Variants in TRMT2B observed in about 807,000 individuals in gnomAD.
The protein encoded by TRMT2B is tRNA (uracil-5-)-methyltransferase homolog B.
In TRMT2B, 34 loss-of-function variants were observed where a neutral mutation model predicts 39.7. That is an observed-to-expected ratio of 0.86 (90% CI 0.65 to 1.14). The LOEUF is 1.14. Ranked by LOEUF, TRMT2B falls within the 50% of genes most tolerant of loss-of-function variation. The probability of loss-of-function intolerance (pLI) is 0.00; values close to 1 mark genes in which losing one functional copy is unlikely to be tolerated. For synonymous variants in TRMT2B, 132 were observed against 137.3 expected, an observed-to-expected ratio of 0.96 and a Z score of 0.27; for missense variants, 318 against 377.2, an observed-to-expected ratio of 0.84 and a Z score of 1.30.
intron 7 of TRMT2B, among the ~76,000 whole-genome samples, chrX:101,035,150 C>G (rs1006356506): frequency 7.2e-5 from 8 of 111,571 alleles, no homozygotes; most frequent in Non-Finnish European, 1.5e-4. Context: ...GAATTCGAGA[C>G]CAGCCTGCAC....
At chrX:101,011,148 T>C (rs1299519605) in intron 13 of TRMT2B, among the ~76,000 whole-genome samples, 2 of 111,830 alleles carry the variant, frequency 1.8e-5, no homozygotes, top group Non-Finnish European at 3.8e-5. Flanking sequence ...ACGATGGGGG[T>C]ACATTCTGAA....
chrX:101,051,448 A>G lies in TRMT2B; in HGVS notation c.-221T>C. 1 of 754,382 alleles carries G rather than the reference A, an allele frequency of 1.3e-6. No individual in the cohort carries two copies. The highest frequency in any genetic ancestry group is 1.6e-6 in the Non-Finnish European group (1 of 639,420). The allele number at this position is 754,382 out of a possible 1,213,427, so 62.2% of individuals were successfully genotyped here. ...AGGCAGTCAGGTCCTTGTCTCCCCA[A>G]CAAGACTCCACTAGCCCTTCCATTC... On this transcript the variant is annotated 5_prime_UTR_variant, in exon 2 of 14. Transcript: ENST00000372936.
chrX:101,014,338 CT>C (rs942623158), intron 13 of TRMT2B, among the ~76,000 whole-genome samples: 2 of 109,748 alleles, frequency 1.8e-5, no homozygotes, highest in African/African-American at 3.3e-5. Flanking sequence ...CTTTCTCTCT[CT>C]TTTTTTTACT....
chrX:100,983,690 T>C, the TRMT2B span, among the ~76,000 whole-genome samples: 7 of 111,666 alleles, frequency 6.3e-5, no homozygotes, highest in Non-Finnish European at 1.3e-4. Flanking sequence ...AATACAGATA[T>C]AGCAAATATC....
intron 7 of TRMT2B, among the ~76,000 whole-genome samples, chrX:101,025,182 A>G (rs913389100): frequency 8.0e-5 from 9 of 111,804 alleles, no homozygotes; most frequent in Non-Finnish European, 1.3e-4. Context: ...CAGTTTATTT[A>G]TGGAAAATAA....
At chrX:101,049,808 C>G (rs2088947869) in intron 2 of TRMT2B, among the ~76,000 whole-genome samples, 1 of 109,293 alleles carries the variant, frequency 9.1e-6, no homozygotes, top group South Asian at 3.9e-4. Context: ...AAGTGTGTGG[C>G]CTGTGAGAAT....
At chrX:101,001,845 G>T in the TRMT2B span, among the ~76,000 whole-genome samples, 4 of 87,744 alleles carry the variant, frequency 4.6e-5, no homozygotes, top group African/African-American at 1.9e-4. Flanking sequence ...AAAAAAAAAA[G>T]CAGGGGGAAA....
intron 13 of TRMT2B, chrX:101,013,742 CAAA>C (rs149508279): frequency 1.0e-4 from 4 of 38,898 alleles, no homozygotes; most frequent in South Asian, 1.5e-3. Context: ...GACTCCGTCT[CAAA>C]AAAAAAAAAA....
chrX:100,989,387 G>A, the TRMT2B span, among the ~76,000 whole-genome samples: 7 of 110,114 alleles, frequency 6.4e-5, no homozygotes, highest in East Asian at 2.9e-4. Context: ...TGAGGCGGGC[G>A]GATCATGAGG....
intron 7 of TRMT2B, among the ~76,000 whole-genome samples, chrX:101,026,225 T>G (rs375118893): frequency 1.8e-5 from 2 of 110,806 alleles, no homozygotes; most frequent in African/African-American, 6.6e-5. Flanking sequence ...ATAATCCCAG[T>G]ATTCTGGGAG....
the TRMT2B span, among the ~76,000 whole-genome samples, chrX:100,997,012 T>G: frequency 8.9e-6 from 1 of 112,141 alleles, no homozygotes; most frequent in African/African-American, 3.2e-5. Flanking sequence ...AACTAGATTT[T>G]TTTTTTGATA....
At chrX:101,044,720 G>A (rs765294669) in intron 2 of TRMT2B, among the ~76,000 whole-genome samples, 1 of 109,254 alleles carries the variant, frequency 9.2e-6, no homozygotes, top group East Asian at 2.9e-4. Flanking sequence ...TGCACCTGTA[G>A]TCCCAGCTAC....
the TRMT2B span, among the ~76,000 whole-genome samples, chrX:100,989,349 C>T: frequency 9.0e-6 from 1 of 111,270 alleles, no homozygotes; most frequent in African/African-American, 3.3e-5. Context: ...TAGTGGCTCA[C>T]ACCTGTAATC....
downstream of TRMT2B, among the ~76,000 whole-genome samples, chrX:101,006,488 A>G (rs184050924): frequency 1.0e-3 from 113 of 110,762 alleles, no homozygotes; most frequent in Non-Finnish European, 5.7e-4. Flanking sequence ...TATACCTTAT[A>G]CAGACAGATG....
At position 101,041,882 on chromosome X, in the gene TRMT2B, C is replaced by T. The variant is rs752644925; in HGVS notation, c.248+160G>A. Among the ~76,000 whole-genome samples the T allele has an allele frequency of 2.7e-5, 3 of 111,829 alleles. 1 individual carries two copies. The South Asian group carries it at 1.1e-3, about 42-fold the overall frequency. ...TTCTGCAACCCCAAAGCATTTCCACCAATATTCTTCAGACGTCCTCAAATT... is the reference window on the plus strand; with the variant it reads ...TTCTGCAACCCCAAAGCATTTCCACTAATATTCTTCAGACGTCCTCAAATT... On this transcript the variant is annotated intron_variant, in intron 3 of 13. Coordinates refer to ENST00000372936, the MANE Select transcript of TRMT2B (RefSeq NM_024917.6).
At chrX:101,035,010 C>T (rs1389644286) in intron 7 of TRMT2B, among the ~76,000 whole-genome samples, 4 of 110,224 alleles carry the variant, frequency 3.6e-5, no homozygotes, top group Admixed American at 9.7e-5. Context: ...CCAGCCTGGG[C>T]GACAGAATGA....
At chrX:101,038,609 GTA>G (rs1912276273) in intron 4 of TRMT2B, among the ~76,000 whole-genome samples, 1 of 111,347 alleles carries the variant, frequency 9.0e-6, no homozygotes, top group Non-Finnish European at 1.9e-5. Context: ...AACACTCAAG[GTA>G]TATGTCAGTT....
intron 5 of TRMT2B, chrX:101,037,389 C>G (rs922806808): frequency 5.4e-5 from 13 of 240,139 alleles, no homozygotes; most frequent in African/African-American, 1.1e-4. Flanking sequence ...CAGCCATAGA[C>G]AATACATAAA....
chrX:101,036,751 A>G (rs1240488872), intron 6 of TRMT2B, among the ~76,000 whole-genome samples: 1 of 111,907 alleles, frequency 8.9e-6, no homozygotes, highest in African/African-American at 3.2e-5. Context: ...TCAGGCATAT[A>G]TGGCTTTTAG....
Sources: gnomAD v4.1 joint callset for allele counts (sites outside exome capture counted in the v4.1 genomes callset) on GRCh38, gnomAD v4.1.1 for gene constraint, MANE v1.5 for transcripts, NCBI Gene and HGNC (gene_info 2026-07-23, HGNC 2026-07-21) for gene names.